The following NECTIN3 variants were observed in gnomAD, a reference collection of about 807,000 sequenced individuals.
NECTIN3 encodes nectin cell adhesion molecule 3.
Under a neutral mutation model 49.4 loss-of-function variants are expected in NECTIN3, and 8 were observed. That is an observed-to-expected ratio of 0.16 (90% CI 0.10 to 0.29). The LOEUF is 0.29. Among genes scored for constraint, NECTIN3 ranks in the 10% least tolerant of loss-of-function variants. The pLI, the probability that NECTIN3 is intolerant of heterozygous loss-of-function variation, is 1.00. For missense variants in NECTIN3, 581 were observed against 654.6 expected, an observed-to-expected ratio of 0.89 and a Z score of 1.23; for synonymous variants, 277 against 241.1, an observed-to-expected ratio of 1.15 and a Z score of -1.38.
At chr3:111,149,223 G>A (rs1175562029) in intron 7 of NECTIN3, among the ~76,000 whole-genome samples, 1 of 151,954 alleles carries the variant, frequency 6.6e-6, no homozygotes, top group Non-Finnish European at 1.5e-5. Flanking sequence ...CCAAGATACT[G>A]CTGTTTCAAT....
chr3:111,168,214 T>G (rs978959771), intron 7 of NECTIN3, among the ~76,000 whole-genome samples: 2 of 152,028 alleles, frequency 1.3e-5, no homozygotes, highest in Non-Finnish European at 2.9e-5. Context: ...GAGGAGAAGA[T>G]AGAGTCATTA....
intron 7 of NECTIN3, among the ~76,000 whole-genome samples, chr3:111,157,104 C>A (rs1309157141): frequency 6.6e-6 from 1 of 152,080 alleles, no homozygotes; most frequent in Non-Finnish European, 1.5e-5. Context: ...GACTAAACAG[C>A]ATTTTATTAT....
intron 1 of NECTIN3, among the ~76,000 whole-genome samples, chr3:111,094,179 GACAAA>G (rs1200516020): frequency 9.9e-5 from 15 of 151,090 alleles, no homozygotes; most frequent in African/African-American, 2.7e-4. Flanking sequence ...GGAAGGAAAA[GACAAA>G]ACAAAAAAAA....
rs778300135 is a variant in NECTIN3, at chr3:111,118,690, T to G, written c.537T>G (p.Asp179Glu). Residue 179 changes from aspartate to glutamate, a missense_variant, in exon 3 of 6, where the codon GAT becomes GAG. Physicochemically the swap from Asp to Glu is conservative, Grantham distance 45. Coordinates refer to ENST00000485303, the MANE Select transcript of NECTIN3 (RefSeq NM_015480.3). Reference protein sequence around the residue: ...EPTVSLIKGPDSLIDGGNETV... With the variant: ...EPTVSLIKGPESLIDGGNETV... ...CTGTGAGCCTGATAAAAGGGCCAGA[T>G]TCTTTAATTGATGGAGGAAATGAAA... 6.2e-7 allele frequency: 1 copy of G among 1,611,282 alleles called. No individual in the cohort carries two copies. The highest frequency in any genetic ancestry group is 2.2e-5 in the East Asian group (1 of 44,762).
At position 111,135,998 on chromosome 3, in the gene NECTIN3, C is replaced by CAACTTTTTAGTGCAAGTTTTTGGAAGAA. The variant is rs2034562090; in HGVS notation, c.*1792_*1819dup. Reference sequence around the variant, plus strand: ...GTTAATCACTTATATACAAATATTACAACTTTTTAGTGCAAGTTTTTGGAA... The same window carrying CAACTTTTTAGTGCAAGTTTTTGGAAGAA: ...GTTAATCACTTATATACAAATATTACAACTTTTTAGTGCAAGTTTTTGGAAGAAAACTTTTTAGTGCAAGTTTTTGGAA... On this transcript the variant is annotated 3_prime_UTR_variant, in exon 6 of 6. Transcript: ENST00000485303. The CAACTTTTTAGTGCAAGTTTTTGGAAGAA allele has an allele frequency of 1.0e-6, 1 of 962,194 alleles. No homozygotes were observed. Among genetic ancestry groups the CAACTTTTTAGTGCAAGTTTTTGGAAGAA allele is most frequent in the Non-Finnish European group, 1.2e-6 (1 of 809,160 alleles). The allele number at this position is 962,194 out of a possible 1,614,324, so 59.6% of individuals were successfully genotyped here.
intron 1 of NECTIN3, among the ~76,000 whole-genome samples, chr3:111,193,988 A>G (rs568597502): frequency 6.0e-4 from 91 of 152,238 alleles, no homozygotes; most frequent in African/African-American, 2.1e-3. Flanking sequence ...ATTATGATAT[A>G]TATTCTTTGT....
chr3:111,093,498 G>A (rs2032397207), intron 1 of NECTIN3, among the ~76,000 whole-genome samples: 1 of 150,030 alleles, frequency 6.7e-6, no homozygotes, highest in South Asian at 2.1e-4. Flanking sequence ...GCAATGGCGT[G>A]ATCTTGGCTC....
chr3:111,119,587 C>T (rs1048096288), intron 3 of NECTIN3, among the ~76,000 whole-genome samples: 3 of 152,200 alleles, frequency 2.0e-5, no homozygotes, highest in African/African-American at 7.2e-5. Context: ...GCCTTGGTCT[C>T]CCAAAGTGCT....
At chr3:111,113,679 G>A (rs1398273292) in intron 2 of NECTIN3, among the ~76,000 whole-genome samples, 1 of 152,024 alleles carries the variant, frequency 6.6e-6, no homozygotes, top group Non-Finnish European at 1.5e-5. Flanking sequence ...CTCACATGGA[G>A]GACATCAGTA....
downstream of NECTIN3, among the ~76,000 whole-genome samples, chr3:111,140,814 C>G (rs541936271): frequency 6.6e-6 from 1 of 152,062 alleles, no homozygotes; most frequent in Admixed American, 6.6e-5. Flanking sequence ...ACAGTGGGTG[C>G]TCTGTGTGGC....
At chr3:111,151,201 T>C (rs566002459) in intron 7 of NECTIN3, among the ~76,000 whole-genome samples, 1 of 151,984 alleles carries the variant, frequency 6.6e-6, no homozygotes, top group Non-Finnish European at 1.5e-5. Context: ...TTTTAATATA[T>C]GTGGAATAAC....
intron 7 of NECTIN3, among the ~76,000 whole-genome samples, chr3:111,155,885 G>A (rs1310003819): frequency 6.6e-6 from 1 of 152,128 alleles, no homozygotes; most frequent in Non-Finnish European, 1.5e-5. Context: ...CAGGATTACA[G>A]ATTAATAATA....
chr3:111,083,813 A>G (rs1034379245), intron 1 of NECTIN3, among the ~76,000 whole-genome samples: 1 of 152,202 alleles, frequency 6.6e-6, no homozygotes, highest in African/African-American at 2.4e-5. Context: ...ATTGAGGGGC[A>G]GTTTGTTAAG....
At chr3:111,126,422 A>AT in intron 5 of NECTIN3, 87 bp downstream of exon 5, 2 of 1,147,134 alleles carry the variant, frequency 1.7e-6, no homozygotes, top group Non-Finnish European at 2.5e-6. Flanking sequence ...AATAATTTGT[A>AT]CTTGTAAAGA....
chr3:111,092,167 G>T (rs976290544), intron 1 of NECTIN3, among the ~76,000 whole-genome samples: 5 of 152,146 alleles, frequency 3.3e-5, no homozygotes, highest in Non-Finnish European at 5.9e-5. Flanking sequence ...CCTGTAAGAG[G>T]TTCCCCCCAC....
Position 111,072,167 on chromosome 3 carries a change from C to T in NECTIN3, c.150C>T (p.Ser50=), listed in dbSNP as rs1333798003. ...TGCTCTTCCCGCTGCTGCTCTTCTC[C>T]AGGCTCTGTGGTAGGTGAACCTCGG... ...LLLLFPLLLF[S]RLCGALAGPI... The change falls in exon 1 of 6, where the codon TCC becomes TCT. Residue 50 remains serine (S), a synonymous_variant. Transcript: ENST00000485303. 3 of 1,555,742 alleles carry T rather than the reference C, an allele frequency of 1.9e-6. No individual in the cohort carries two copies. The highest frequency in any genetic ancestry group is 1.2e-5 in the South Asian group (1 of 84,376).
intron 7 of NECTIN3, among the ~76,000 whole-genome samples, chr3:111,182,440 A>G (rs919476564): frequency 1.3e-5 from 2 of 152,114 alleles, no homozygotes; most frequent in Non-Finnish European, 2.9e-5. Context: ...TTTCTACTAC[A>G]TTTGTGAATA....
At chr3:111,141,470 T>C (rs1284334904), downstream of NECTIN3, among the ~76,000 whole-genome samples, 1 of 151,582 alleles carries the variant, frequency 6.6e-6, no homozygotes, top group Non-Finnish European at 1.5e-5. Context: ...AATACTTCAA[T>C]TTATTATTTA....
At chr3:111,171,594 C>T (rs974459121) in intron 7 of NECTIN3, among the ~76,000 whole-genome samples, 1 of 152,114 alleles carries the variant, frequency 6.6e-6, no homozygotes, top group African/African-American at 2.4e-5. Context: ...CCCAACACAT[C>T]AGGTGCTTTT....
Sources: gnomAD v4.1 joint callset for allele counts (sites outside exome capture counted in the v4.1 genomes callset) on GRCh38, gnomAD v4.1.1 for gene constraint, MANE v1.5 for transcripts, NCBI Gene and HGNC (gene_info 2026-07-23, HGNC 2026-07-21) for gene names.